Variants in BAZ1A observed in about 807,000 individuals in gnomAD.
The protein encoded by BAZ1A is bromodomain adjacent to zinc finger domain protein 1A.
Under a neutral mutation model 185.2 loss-of-function variants are expected in BAZ1A, and 50 were observed. The ratio of observed to expected loss-of-function variants is 0.27; its 90% CI spans 0.22 to 0.34. BAZ1A has a LOEUF of 0.34. BAZ1A is among the 10% of genes least tolerant of loss of function. The pLI is 1.00. For synonymous variants in BAZ1A, 571 were observed against 615.6 expected (o/e 0.93, Z 1.07); for missense variants, 1,356 against 1,839.9 (o/e 0.74, Z 4.81).
chr14:34,769,766 A>G (rs1189255260), intron 21 of BAZ1A, among the ~76,000 whole-genome samples: 1 of 152,218 alleles, frequency 6.6e-6, no homozygotes, highest in East Asian at 1.9e-4. Flanking sequence ...ATAATTTTAA[A>G]TTGAAATTTT....
chr14:34,813,554 A>G (rs1242920892), intron 4 of BAZ1A, among the ~76,000 whole-genome samples: 4 of 151,888 alleles, frequency 2.6e-5, no homozygotes, highest in African/African-American at 9.7e-5. Context: ...TGTGGTGGTG[A>G]GTGCCCGTAA....
At chr14:34,831,821 A>AG (rs1566585786) in intron 3 of BAZ1A, among the ~76,000 whole-genome samples, 2 of 152,190 alleles carry the variant, frequency 1.3e-5, no homozygotes, top group African/African-American at 4.8e-5. Flanking sequence ...AAAAAATTGA[A>AG]GGAAAAAAAA....
intron 4 of BAZ1A, among the ~76,000 whole-genome samples, chr14:34,816,293 TAGAC>T (rs1278347487): frequency 2.0e-5 from 3 of 151,974 alleles, no homozygotes. Context: ...TTCACCGTGT[TAGAC>T]AGGATGGGCT....
At chr14:34,849,748 T>C (rs2042569086) in intron 3 of BAZ1A, among the ~76,000 whole-genome samples, 1 of 152,182 alleles carries the variant, frequency 6.6e-6, no homozygotes, top group East Asian at 1.9e-4. Context: ...AACCCGCCAG[T>C]AGAGTTTTTT....
chr14:34,774,950 C>G (rs956580527), intron 18 of BAZ1A, among the ~76,000 whole-genome samples: 1 of 152,204 alleles, frequency 6.6e-6, no homozygotes. Flanking sequence ...GGTAGTGGCT[C>G]ATGCCTGTAA....
chr14:34,784,981 G>A (rs1395618703), intron 14 of BAZ1A, among the ~76,000 whole-genome samples: 3 of 152,184 alleles, frequency 2.0e-5, no homozygotes, highest in Non-Finnish European at 4.4e-5. Flanking sequence ...CTCTGCCTCC[G>A]AGTAGCTGGG....
At chr14:34,783,062 CTGGTTTTTATTCTTTATGTA>C in intron 16 of BAZ1A, 37 bp downstream of exon 16, 1 of 1,299,050 alleles carries the variant, frequency 7.7e-7, no homozygotes, top group Non-Finnish European at 1.1e-6. Context: ...TTTAAGGTGT[CTGGTTTTTATTCTTTATGTA>C]TGGTAAAGCA....
At chr14:34,823,936 C>T (rs2138709156) in intron 4 of BAZ1A, among the ~76,000 whole-genome samples, 1 of 152,068 alleles carries the variant, frequency 6.6e-6, no homozygotes, top group Admixed American at 6.6e-5. Flanking sequence ...TTGACATTGT[C>T]CAAACAAAAC....
chr14:34,776,096 C>T lies in BAZ1A; in HGVS notation c.2656G>A (p.Val886Met). 6.2e-7 allele frequency: 1 copy of T among 1,614,180 alleles called. No individual in the cohort carries two copies. Residue 886 changes from valine to methionine, a missense_variant, in exon 18 of 27, where the codon GTG (valine) becomes ATG (methionine). Coordinates refer to ENST00000360310, the MANE Select transcript of BAZ1A (RefSeq NM_013448.3). ...AAGCACCACCGATTTGGCTTATGCACTGGTTTTGGCAGCTGCACAGAATGG... is the reference window on the plus strand; with the variant it reads ...AAGCACCACCGATTTGGCTTATGCATTGGTTTTGGCAGCTGCACAGAATGG... ...RDHSVQLPKP[V>M]HKPNRWCFYS...
chr14:34,869,403 A>T (rs936002334), intron 2 of BAZ1A, among the ~76,000 whole-genome samples: 1 of 152,174 alleles, frequency 6.6e-6, no homozygotes, highest in Non-Finnish European at 1.5e-5. Context: ...TCAAGAGAGA[A>T]AGTTAGACAT....
intron 25 of BAZ1A, among the ~76,000 whole-genome samples, chr14:34,756,111 T>TTGTC (rs1566540737): frequency 2.4e-5 from 3 of 123,192 alleles, no homozygotes; most frequent in Non-Finnish European, 3.7e-5. Flanking sequence ...AAACTGGTTT[T>TTGTC]TTTCTTTTTT....
intron 3 of BAZ1A, among the ~76,000 whole-genome samples, chr14:34,854,718 C>G (rs1199948170): frequency 6.6e-6 from 1 of 152,194 alleles, no homozygotes; most frequent in Admixed American, 6.5e-5. Context: ...CCTTCGCTAT[C>G]ACTACCTCCC....
chr14:34,772,915 C>A (rs533693002), intron 20 of BAZ1A, among the ~76,000 whole-genome samples: 1 of 152,316 alleles, frequency 6.6e-6, no homozygotes, highest in East Asian at 1.9e-4. Context: ...GTAATCCCAG[C>A]TACTCAGGAG....
Position 34,783,851 on chromosome 14 carries a change from A to C in BAZ1A, c.1908T>G (p.Asp636Glu), listed in dbSNP as rs763017834. 6 of 1,613,714 alleles carry C rather than the reference A, an allele frequency of 3.7e-6. No individual in the cohort carries two copies. In the South Asian group the frequency reaches 5.5e-5, roughly 15 times the overall value. Reference sequence around the variant, plus strand: ...TTGCCTGTCGTAATATATCAACATAATCTTCAATAAAATCCCTAGTTGAAA... The same window carrying C: ...TTGCCTGTCGTAATATATCAACATACTCTTCAATAAAATCCCTAGTTGAAA... ...TLVSTRDFIE[D>E]YVDILRQAKQ... The change falls in exon 15 of 27, where the codon GAT becomes GAG. Residue 636 changes from aspartate to glutamate, a missense_variant. Transcript: ENST00000360310.
chr14:34,831,674 G>A (rs1049539996), intron 3 of BAZ1A, among the ~76,000 whole-genome samples: 2 of 152,110 alleles, frequency 1.3e-5, no homozygotes, highest in African/African-American at 4.8e-5. Flanking sequence ...TCAACAAAAT[G>A]TATACTATAT....
At position 34,807,516 on chromosome 14, in the gene BAZ1A, G is replaced by A. The variant is rs1048201225; in HGVS notation, c.661C>T (p.Arg221Cys). 1.9e-6 allele frequency: 3 copies of A among 1,612,374 alleles called. No homozygotes were observed. The highest frequency in any genetic ancestry group is 2.2e-5 in the South Asian group (2 of 90,878). ...TTCAGAAAAAGCTTTAGTTTATCAC[G>A]AGAAAATAGGTGTTTTCTCCGGCTA... ...QISRRKHLFS[R>C]DKLKLFLKQH... Residue 221 changes from arginine (R) to cysteine (C), a missense_variant, in exon 6 of 27, where the codon CGT becomes TGT. Around this residue, in one of 7 missense-constraint regions of BAZ1A, gnomAD observed 332 missense variants for 395.3 expected, o/e 0.84. Transcript: ENST00000360310.
chr14:34,806,307 CTTTTA>C (rs958096363), intron 6 of BAZ1A, among the ~76,000 whole-genome samples: 11 of 152,188 alleles, frequency 7.2e-5, no homozygotes, highest in Admixed American at 3.3e-4. Context: ...CCTTTTTAAA[CTTTTA>C]TTTTAAGTTC....
chr14:34,772,814 G>A (rs1182621026), intron 20 of BAZ1A, among the ~76,000 whole-genome samples: 6 of 152,086 alleles, frequency 3.9e-5, no homozygotes, highest in African/African-American at 1.4e-4. Context: ...GGCATCACAA[G>A]GTCAGGAGAT....
chr14:34,845,122 G>A (rs1033505773), intron 3 of BAZ1A, among the ~76,000 whole-genome samples: 2 of 151,824 alleles, frequency 1.3e-5, no homozygotes, highest in Admixed American at 1.3e-4. Flanking sequence ...ACTCCTGCTC[G>A]GAATTATTTA....
Sources: gnomAD v4.1 joint callset for allele counts (sites outside exome capture counted in the v4.1 genomes callset) on GRCh38, gnomAD v4.1.1 for gene constraint, gnomAD v4.1.1 regional missense constraint, MANE v1.5 for transcripts, NCBI Gene and HGNC (gene_info 2026-07-23, HGNC 2026-07-21) for gene names.